RBFOX1: variants seen among roughly 807,000 people sequenced by gnomAD.
RBFOX1 encodes RNA binding protein fox-1 homolog 1.
RBFOX1 carries 8 observed loss-of-function variants against 57.7 expected under a neutral mutation model. The ratio of observed to expected loss-of-function variants is 0.14; its 90% CI spans 0.08 to 0.25. The LOEUF (loss-of-function observed/expected upper bound fraction) is 0.25, where lower values mean the gene tolerates loss of function less well. Ranked by LOEUF, RBFOX1 falls within the 10% of genes least tolerant of loss-of-function variation. The probability of loss-of-function intolerance (pLI) is 1.00; values close to 1 mark genes in which losing one functional copy is unlikely to be tolerated. For synonymous variants in RBFOX1, 326 were observed against 222.4 expected (o/e 1.47, Z -4.15); for missense variants, 611 against 548.5 (o/e 1.11, Z -1.14).
chr16:5,765,395 A>AATCC (rs2053740643), intron 3 of RBFOX1, among the ~76,000 whole-genome samples: 4 of 152,334 alleles, frequency 2.6e-5, no homozygotes, highest in African/African-American at 7.2e-5. Flanking sequence ...GAGGGGAAAA[A>AATCC]ATCCCATTAA....
At chr16:6,683,248 T>G (rs1354256906) in intron 3 of RBFOX1, among the ~76,000 whole-genome samples, 2 of 152,132 alleles carry the variant, frequency 1.3e-5, no homozygotes, top group African/African-American at 4.8e-5. Flanking sequence ...AAAAAGGACA[T>G]AGTTCCAGTG....
intron 2 of RBFOX1, among the ~76,000 whole-genome samples, chr16:6,385,854 G>C (rs1055694615): frequency 1.3e-5 from 2 of 152,158 alleles, no homozygotes; most frequent in Non-Finnish European, 2.9e-5. Flanking sequence ...TGGGGGAAGA[G>C]TGTGCCAATG....
Position 6,097,483 on chromosome 16 carries a change from T to C in RBFOX1, c.-127+77491T>C, listed in dbSNP as rs1194638236. Among the ~76,000 whole-genome samples, 2 of 152,148 alleles carry C rather than the reference T, an allele frequency of 1.3e-5. No individual in the cohort carries two copies. The highest frequency in any genetic ancestry group is 2.9e-5 in the Non-Finnish European group (2 of 68,026). On this transcript the variant is annotated intron_variant, in intron 1 of 15. Transcript: ENST00000550418. This position sits in a 1 kb window ranked among gnomAD's most constrained non-coding sequence, Gnocchi z 5.0. Reference sequence around the variant, plus strand: ...CCCATCCAAACCTACAGAAGCAGAATCTCTGGTGGCAGGAACCAGCAATCT... The same window carrying C: ...CCCATCCAAACCTACAGAAGCAGAACCTCTGGTGGCAGGAACCAGCAATCT...
intron 1 of RBFOX1, among the ~76,000 whole-genome samples, chr16:5,293,186 TG>T (rs2151179391): frequency 6.6e-6 from 1 of 152,006 alleles, no homozygotes; most frequent in African/African-American, 2.4e-5. Context: ...CCAGGTGTGG[TG>T]GTGCACGCCT....
chr16:5,715,221 A>G (rs1421552203), intron 3 of RBFOX1, among the ~76,000 whole-genome samples: 2 of 152,222 alleles, frequency 1.3e-5, no homozygotes, highest in African/African-American at 2.4e-5. Flanking sequence ...AAACAACCCT[A>G]TAAATCAGGT....
chr16:5,602,124 A>T (rs1278614744), downstream of RBFOX1, among the ~76,000 whole-genome samples: 1 of 152,234 alleles, frequency 6.6e-6, no homozygotes, highest in Non-Finnish European at 1.5e-5. Context: ...GGACTCTCAC[A>T]GGTCAGCTTC....
At chr16:7,327,813 CTT>C (rs5741745) in intron 4 of RBFOX1, among the ~76,000 whole-genome samples, 10 of 149,324 alleles carry the variant, frequency 6.7e-5, no homozygotes, top group African/African-American at 2.2e-4. Flanking sequence ...ACAATATTAC[CTT>C]TTTTTTTTTA....
intron 4 of RBFOX1, among the ~76,000 whole-genome samples, chr16:5,944,081 A>G (rs762543390): frequency 1.3e-5 from 2 of 152,140 alleles, no homozygotes; most frequent in Non-Finnish European, 2.9e-5. Context: ...GCCCACATAC[A>G]TAGAGCATCA....
chr16:7,476,043 G>GCAGCCT (rs142621721), intron 4 of RBFOX1, among the ~76,000 whole-genome samples: 2,525 of 152,122 alleles, frequency 0.017, 90 homozygotes, highest in African/African-American at 0.058. Context: ...ATGGCTCACT[G>GCAGCCT]CAGCCTCAGC....
At chr16:6,797,737 G>A (rs1567289361) in intron 3 of RBFOX1, among the ~76,000 whole-genome samples, 2 of 152,054 alleles carry the variant, frequency 1.3e-5, no homozygotes, top group Non-Finnish European at 2.9e-5. Flanking sequence ...AAACCACGTT[G>A]GCTCTTGGGG....
intron 4 of RBFOX1, among the ~76,000 whole-genome samples, chr16:7,216,356 T>A (rs1412484055): frequency 1.3e-5 from 2 of 152,090 alleles, no homozygotes; most frequent in Non-Finnish European, 2.9e-5. Context: ...ATGGGAATAA[T>A]AATGGCATCT....
At chr16:5,745,846 G>A (rs538732210) in intron 3 of RBFOX1, among the ~76,000 whole-genome samples, 1 of 152,018 alleles carries the variant, frequency 6.6e-6, no homozygotes, top group Non-Finnish European at 1.5e-5. Context: ...TACCCCTTTG[G>A]CAGATGAGTA....
At chr16:7,533,830 T>C (rs1486435356) in intron 5 of RBFOX1, among the ~76,000 whole-genome samples, 1 of 152,214 alleles carries the variant, frequency 6.6e-6, no homozygotes, top group Non-Finnish European at 1.5e-5. Context: ...AAATACTACA[T>C]TCTTCTTCAG....
At chr16:7,160,541 C>T (rs17560336) in intron 4 of RBFOX1, among the ~76,000 whole-genome samples, 1 of 151,840 alleles carries the variant, frequency 6.6e-6, no homozygotes, top group Non-Finnish European at 1.5e-5. Flanking sequence ...GTGTCATTAA[C>T]TTGTTCTTGT....
intron 4 of RBFOX1, among the ~76,000 whole-genome samples, chr16:7,243,655 C>T (rs117569724): frequency 0.018 from 2,757 of 152,170 alleles, 43 homozygotes; most frequent in Non-Finnish European, 0.024. Context: ...TCAAGTGATC[C>T]TCCCAGCTCA....
intron 3 of RBFOX1, among the ~76,000 whole-genome samples, chr16:6,850,029 AG>A (rs2093981744): frequency 6.6e-6 from 1 of 152,202 alleles, no homozygotes; most frequent in African/African-American, 2.4e-5. Flanking sequence ...TTTTTCTCAA[AG>A]AAATACACCA....
At chr16:6,995,019 A>T (rs779485572) in intron 3 of RBFOX1, among the ~76,000 whole-genome samples, 1 of 149,224 alleles carries the variant, frequency 6.7e-6, no homozygotes, top group Non-Finnish European at 1.5e-5. Flanking sequence ...GTGTATATGG[A>T]TATATATGTG....
intron 2 of RBFOX1, among the ~76,000 whole-genome samples, chr16:6,577,793 C>T (rs1319165984): frequency 1.3e-5 from 2 of 152,188 alleles, no homozygotes; most frequent in Non-Finnish European, 2.9e-5. Context: ...CCTCCTTTTC[C>T]CTCCTGTATC....
intron 1 of RBFOX1, among the ~76,000 whole-genome samples, chr16:5,399,679 T>C (rs1055880701): frequency 6.6e-6 from 1 of 151,808 alleles, no homozygotes; most frequent in Non-Finnish European, 1.5e-5. Flanking sequence ...AAGGCTGCAG[T>C]GACCCATGCT....
Sources: allele counts gnomAD v4.1 joint callset (sites outside exome capture counted in the v4.1 genomes callset), GRCh38; gene constraint gnomAD v4.1.1; non-coding constraint Gnocchi (gnomAD v3.1); transcripts MANE v1.5; gene names NCBI Gene and HGNC (gene_info 2026-07-23, HGNC 2026-07-21).